The following WDFY3 variants were observed in gnomAD, a reference collection of about 807,000 sequenced individuals.
WDFY3 encodes WD repeat and FYVE domain containing 3.
In WDFY3, 66 loss-of-function variants were observed where a neutral mutation model predicts 409.6. The observed-to-expected ratio is 0.16, with a 90% CI of 0.13 to 0.20. WDFY3 has a LOEUF of 0.20. Among genes scored for constraint, WDFY3 ranks in the 10% least tolerant of loss-of-function variants. WDFY3 has a pLI of 1.00. For missense variants in WDFY3, 3,031 were observed against 4,298.1 expected (o/e 0.71, Z 8.24); for synonymous variants, 1,521 against 1,537.1 (o/e 0.99, Z 0.25).
Position 84,716,943 on chromosome 4 carries a change from C to T in WDFY3, c.7828G>A (p.Ala2610Thr). 6.2e-7 allele frequency: 1 copy of T among 1,607,782 alleles called. No individual in the cohort carries two copies. The highest frequency in any genetic ancestry group is 8.5e-7 in the Non-Finnish European group (1 of 1,176,678). The change falls in exon 49 of 68, where the codon GCA (alanine) becomes ACA (threonine). Residue 2610 changes from alanine to threonine, a missense_variant. Ala to Thr is a moderately conservative substitution (Grantham distance 58). Around this residue, in one of 16 missense-constraint regions of WDFY3, gnomAD observed 45 missense variants for 121.8 expected, o/e 0.37. Coordinates refer to ENST00000295888, the MANE Select transcript of WDFY3 (RefSeq NM_014991.6). ...TGAACTTCCTTGATATCTTCATATG[C>T]AAAAATGCTGCATGTTCTCTTGAGT... ...SQLKRTCSIF[A>T]YEDIKEVHKR... is the part of the protein sequence containing the mutation.
chr4:84,731,024 C>T (rs1344579036), intron 44 of WDFY3, among the ~76,000 whole-genome samples: 8 of 151,974 alleles, frequency 5.3e-5, no homozygotes, highest in African/African-American at 1.9e-4. Context: ...CTCGAACTCC[C>T]GACCTCAGGT....
At position 84,741,913 on chromosome 4, in the gene WDFY3, C is replaced by G; in HGVS notation, c.6082G>C (p.Ala2028Pro). The G allele has an allele frequency of 4.4e-6, 7 of 1,581,866 alleles. No individual in the cohort carries two copies. The highest frequency in any genetic ancestry group is 6.0e-6 in the Non-Finnish European group (7 of 1,159,190). Residue 2028 changes from alanine to proline, a missense_variant, in exon 38 of 68, where the codon GCA (alanine) becomes CCA (proline). Physicochemically the swap from Ala to Pro is conservative, Grantham distance 27. This residue lies in a region of WDFY3 where 314 missense variants were observed against 397.4 expected (regional missense o/e 0.79). Transcript: ENST00000295888. ...LAADVLLGEDASLPITSGGSY... is the reference protein window; with the variant it reads ...LAADVLLGEDPSLPITSGGSY... ...CCTCCACTGGTAATAGGCAGAGATGCATCTTCCCCTAAATTCCAGTAGGAA... is the reference window on the plus strand; with the variant it reads ...CCTCCACTGGTAATAGGCAGAGATGGATCTTCCCCTAAATTCCAGTAGGAA...
Position 84,759,972 on chromosome 4 carries a change from C to T in WDFY3, c.5189-2811G>A, listed in dbSNP as rs942143184. Among the ~76,000 whole-genome samples, 11 of 151,856 alleles carry T rather than the reference C, an allele frequency of 7.2e-5. No individual in the cohort carries two copies. The South Asian group carries it at 1.0e-3, about 14-fold the overall frequency. On this transcript the variant is annotated intron_variant, in intron 32 of 67. Coordinates refer to ENST00000295888, the MANE Select transcript of WDFY3 (RefSeq NM_014991.6). ...AGATAGCTCTTATTATTTTGAGATA[C>T]GTCCCATCAACACCTAATTTATTGA...
Position 84,794,722 on chromosome 4 carries a change from G to A in WDFY3, c.3284C>T (p.Pro1095Leu), listed in dbSNP as rs1180681039. The change falls in exon 21 of 68, where the codon CCT becomes CTT. Residue 1095 changes from proline (P) to leucine (L), a missense_variant. Pro to Leu is a moderately conservative substitution (Grantham distance 98, BLOSUM62 -3). Coordinates refer to ENST00000295888, the MANE Select transcript of WDFY3 (RefSeq NM_014991.6). ...SGIGSGERFF[P>L]PPSGLSYSSW... ...AGAGTAACTTAAGCCGGAGGGAGGA[G>A]GGAAGAATCTTTCACCTACAGTAAA... 3 of 1,611,864 alleles carry A rather than the reference G, an allele frequency of 1.9e-6. No homozygotes were observed. The highest frequency in any genetic ancestry group is 2.2e-5 in the East Asian group (1 of 44,808).
intron 12 of WDFY3, among the ~76,000 whole-genome samples, chr4:84,819,817 A>G (rs1408869015): frequency 6.6e-6 from 1 of 152,150 alleles, no homozygotes; most frequent in Non-Finnish European, 1.5e-5. Flanking sequence ...GAGTGTATCA[A>G]TAAAAAATTA....
chr4:84,687,929 G>A (rs1728600736), intron 62 of WDFY3, 157 bp downstream of exon 62: 2 of 750,294 alleles, frequency 2.7e-6, no homozygotes, highest in South Asian at 3.4e-5. Flanking sequence ...TGGGTATAGT[G>A]CCTACAGCCC....
chr4:84,733,556 G>A lies in WDFY3; in HGVS notation c.7047C>T (p.Cys2349=), dbSNP rs1207334086. The change falls in exon 44 of 68, where the codon TGC becomes TGT. Residue 2349 remains cysteine (C), a synonymous_variant. Transcript: ENST00000295888. ...YVTEEWCQIE[C]ELLRERGLWG... ...ACAGCCCCCGCTCCCTCAACAGCTCGCACTCGATCTGACACCACTCTTCTG... is the reference window on the plus strand; with the variant it reads ...ACAGCCCCCGCTCCCTCAACAGCTCACACTCGATCTGACACCACTCTTCTG... 32 of 1,613,926 alleles carry A rather than the reference G, an allele frequency of 2.0e-5. No individual in the cohort carries two copies. Among genetic ancestry groups the A allele is most frequent in the Non-Finnish European group, 2.6e-5 (31 of 1,180,014 alleles).
intron 51 of WDFY3, among the ~76,000 whole-genome samples, chr4:84,712,006 A>C (rs1291562727): frequency 6.6e-6 from 1 of 152,026 alleles, no homozygotes; most frequent in East Asian, 1.9e-4. Flanking sequence ...TGTTTTATTA[A>C]GGGGACTCTA....
rs777794456 is a variant in WDFY3, at chr4:84,739,130, C to T, written c.6465-11G>A. The T allele has an allele frequency of 6.2e-7, 1 of 1,613,612 alleles. No individual in the cohort carries two copies. On this transcript the variant is annotated splice_polypyrimidine_tract_variant and intron_variant, in intron 39 of 67. Transcript: ENST00000295888. Reference sequence around the variant, plus strand: ...AATCCATCCACGTTGCTGAAAAATTCCAGTCAGTTTAAACTTTATGAAGGA... The same window carrying T: ...AATCCATCCACGTTGCTGAAAAATTTCAGTCAGTTTAAACTTTATGAAGGA...
chr4:84,827,790 A>T (rs538364262), intron 9 of WDFY3, among the ~76,000 whole-genome samples: 1 of 152,174 alleles, frequency 6.6e-6, no homozygotes, highest in South Asian at 2.1e-4. Flanking sequence ...TCTAATATCA[A>T]CTAGCAGCAA....
rs977593671 is a variant in WDFY3 at position 84,678,268 on chromosome 4, C to T, written c.10159G>A (p.Glu3387Lys). The T allele has an allele frequency of 1.2e-6, 2 of 1,613,586 alleles. No individual in the cohort carries two copies. The highest frequency in any genetic ancestry group is 1.7e-6 in the Non-Finnish European group (2 of 1,179,652). ...TTACTCCTGAACACCAGCTGCCGTT[C>T]CCATCGGTACCCTGGAATGGAGAAG... ...YSRLKPGYRW[E>K]RQLVFRSKLT... Residue 3387 changes from glutamate to lysine, a missense_variant, in exon 66 of 68, where the codon GAA (glutamate) becomes AAA (lysine). Physicochemically the swap from Glu to Lys is moderately conservative, Grantham distance 56. Coordinates refer to ENST00000295888, the MANE Select transcript of WDFY3 (RefSeq NM_014991.6).
intron 56 of WDFY3, among the ~76,000 whole-genome samples, chr4:84,699,659 C>T (rs1383492598): frequency 6.6e-6 from 1 of 152,150 alleles, no homozygotes; most frequent in Non-Finnish European, 1.5e-5. Context: ...CCATTTTATG[C>T]TCCCACCAGC....
rs869147060 is a variant in WDFY3 at position 84,695,509 on chromosome 4, T to TAGAGAGAGAGAG, written c.8901+449_8901+460dup. On this transcript the variant is annotated intron_variant, in intron 58 of 67. Coordinates refer to ENST00000295888, the MANE Select transcript of WDFY3 (RefSeq NM_014991.6). Reference sequence around the variant, plus strand: ...ACACACACACAGAGACAGAGAGAGATAGAGAGAGAGAGAGAGAGAGAGAGA... The same window carrying TAGAGAGAGAGAG: ...ACACACACACAGAGACAGAGAGAGATAGAGAGAGAGAGAGAGAGAGAGAGAGAGAGAGAGAGA... 1.9e-3 allele frequency among the ~76,000 whole-genome samples: 202 copies of TAGAGAGAGAGAG among 107,346 alleles called. 5 individuals are homozygous for TAGAGAGAGAGAG. Among genetic ancestry groups the TAGAGAGAGAGAG allele is most frequent in the South Asian group, 9.5e-3 (27 of 2,830 alleles). The allele number at this position is 107,346 out of a possible 152,430, so 70.4% of individuals were successfully genotyped here.
rs765847376 is a variant in WDFY3, at chr4:84,740,363, A to G, written c.6288T>C (p.Asn2096=). 2 of 1,614,162 alleles carry G rather than the reference A, an allele frequency of 1.2e-6. No individual in the cohort carries two copies. The highest frequency in any genetic ancestry group is 1.7e-6 in the Non-Finnish European group (2 of 1,180,030). ...LSLDAVYHCL[N]RTILYQFSRA... is the part of the protein sequence containing the mutation. Reference sequence around the variant, plus strand: ...GTGAGAACTGGTACAAGATGGTCCTATTGAGGCAATGATACACTGCATCCA... The same window carrying G: ...GTGAGAACTGGTACAAGATGGTCCTGTTGAGGCAATGATACACTGCATCCA... Residue 2096 remains asparagine, a synonymous_variant, in exon 39 of 68, where the codon AAT becomes AAC. Coordinates refer to ENST00000295888, the MANE Select transcript of WDFY3 (RefSeq NM_014991.6).
At chr4:84,765,668 G>A in intron 32 of WDFY3, 142 bp downstream of exon 32, 3 of 660,714 alleles carry the variant, frequency 4.5e-6, no homozygotes, top group Non-Finnish European at 7.3e-6. Flanking sequence ...TTGAAATCTT[G>A]TAAGCTCTTC....
chr4:84,688,469 A>G (rs1728694250), intron 61 of WDFY3, among the ~76,000 whole-genome samples: 1 of 152,146 alleles, frequency 6.6e-6, no homozygotes, highest in Admixed American at 6.5e-5. Flanking sequence ...ACGGGGGTAG[A>G]GAGAAGCCTG....
chr4:84,846,900 G>A (rs1480227769), intron 5 of WDFY3, among the ~76,000 whole-genome samples: 1 of 151,866 alleles, frequency 6.6e-6, no homozygotes, highest in Non-Finnish European at 1.5e-5. Flanking sequence ...GGAATTGGTG[G>A]CACAATGCAC....
At chr4:84,790,924 A>G (rs1048797167) in intron 21 of WDFY3, among the ~76,000 whole-genome samples, 2 of 152,178 alleles carry the variant, frequency 1.3e-5, no homozygotes, top group Non-Finnish European at 2.9e-5. Flanking sequence ...CACACCTGTC[A>G]GAATGGCTAT....
Position 84,755,252 on chromosome 4 carries a change from T to C in WDFY3, c.5559+14A>G. ...AGGAATTCTCAATAGGCCTGGGCAT[T>C]TGAGTGAACTTACTGAAGTCAGCAT... On this transcript the variant is annotated intron_variant, in intron 34 of 67. Transcript: ENST00000295888. 1 of 1,609,734 alleles carries C rather than the reference T, an allele frequency of 6.2e-7. No homozygotes were observed.
Sources: allele counts gnomAD v4.1 joint callset (sites outside exome capture counted in the v4.1 genomes callset), GRCh38; gene constraint gnomAD v4.1.1; regional missense constraint gnomAD v4.1.1; transcripts MANE v1.5; gene names NCBI Gene and HGNC (gene_info 2026-07-23, HGNC 2026-07-21).